Variants in MAD1L1 observed in about 807,000 individuals in gnomAD.
MAD1L1 encodes mitotic spindle assembly checkpoint protein MAD1.
Under a neutral mutation model 96.9 loss-of-function variants are expected in MAD1L1, and 95 were observed. That is an observed-to-expected ratio of 0.98 (90% CI 0.83 to 1.16). The LOEUF is 1.16. Ranked by LOEUF, MAD1L1 falls within the 50% of genes most tolerant of loss-of-function variation. MAD1L1 has a pLI of 0.00. For missense variants in MAD1L1, 1,007 were observed against 954.4 expected, an observed-to-expected ratio of 1.06 and a Z score of -0.73; for synonymous variants, 473 against 396.6, an observed-to-expected ratio of 1.19 and a Z score of -2.29.
chr7:2,221,470 C>T (rs1039033598), intron 5 of MAD1L1, among the ~76,000 whole-genome samples: 2 of 152,024 alleles, frequency 1.3e-5, no homozygotes, highest in Non-Finnish European at 2.9e-5. Context: ...TTCTGGACCC[C>T]TCCAGGACCC....
At chr7:2,071,302 C>T (rs1785114723) in intron 11 of MAD1L1, among the ~76,000 whole-genome samples, 1 of 152,198 alleles carries the variant, frequency 6.6e-6, no homozygotes, top group Non-Finnish European at 1.5e-5. Flanking sequence ...CGGTCCTGAC[C>T]CAGCCAAGCA....
intron 15 of MAD1L1, among the ~76,000 whole-genome samples, chr7:1,980,101 C>T (rs970306771): frequency 6.6e-6 from 1 of 152,228 alleles, no homozygotes; most frequent in Non-Finnish European, 1.5e-5. Flanking sequence ...GAGAAGGTCA[C>T]GGCCTGGAGA....
chr7:2,111,415 G>A (rs1787374228), intron 11 of MAD1L1, among the ~76,000 whole-genome samples: 1 of 152,250 alleles, frequency 6.6e-6, no homozygotes, highest in Non-Finnish European at 1.5e-5. Context: ...CAAGGAGCGT[G>A]CCTCGGAATG....
At chr7:2,035,295 C>A (rs1783415971) in intron 12 of MAD1L1, among the ~76,000 whole-genome samples, 1 of 147,722 alleles carries the variant, frequency 6.8e-6, no homozygotes, top group Admixed American at 6.7e-5. Context: ...GGGGTCCAGG[C>A]TCCCAGGCAT....
chr7:2,011,832 C>A (rs902490316), intron 13 of MAD1L1, among the ~76,000 whole-genome samples: 2 of 152,004 alleles, frequency 1.3e-5, no homozygotes, highest in Non-Finnish European at 2.9e-5. Flanking sequence ...CACAGACAGG[C>A]CAGTGCAGCG....
intron 10 of MAD1L1, among the ~76,000 whole-genome samples, chr7:2,202,718 G>A (rs540884269): frequency 3.3e-5 from 5 of 152,220 alleles, no homozygotes; most frequent in South Asian, 2.1e-4. Flanking sequence ...CCACCAGGGC[G>A]TCTGGTATTG....
intron 10 of MAD1L1, among the ~76,000 whole-genome samples, chr7:2,182,516 C>G (rs571897140): frequency 7.9e-5 from 12 of 152,286 alleles, no homozygotes; most frequent in African/African-American, 2.9e-4. Context: ...ATACAAATAT[C>G]TGTACTTGAA....
At chr7:2,220,681 C>G (rs1255948639) in intron 5 of MAD1L1, among the ~76,000 whole-genome samples, 1 of 152,212 alleles carries the variant, frequency 6.6e-6, no homozygotes, top group Non-Finnish European at 1.5e-5. Flanking sequence ...CCTGCTGAAG[C>G]CTATCACCGC....
At chr7:2,125,448 C>A (rs1455702265) in intron 11 of MAD1L1, among the ~76,000 whole-genome samples, 1 of 152,188 alleles carries the variant, frequency 6.6e-6, no homozygotes, top group Non-Finnish European at 1.5e-5. Context: ...GTCTCCGCAG[C>A]CTGGTGAGCG....
intron 13 of MAD1L1, among the ~76,000 whole-genome samples, chr7:2,004,779 G>T (rs2128493761): frequency 6.6e-6 from 1 of 152,328 alleles, no homozygotes; most frequent in Non-Finnish European, 1.5e-5. Flanking sequence ...TTCACAAGCG[G>T]CTCATCAGCC....
At chr7:2,210,335 C>T (rs1260262943) in intron 10 of MAD1L1, among the ~76,000 whole-genome samples, 1 of 152,174 alleles carries the variant, frequency 6.6e-6, no homozygotes, top group Non-Finnish European at 1.5e-5. Flanking sequence ...CCTCCCAAAC[C>T]ACTGGGACTA....
At chr7:1,879,849 G>C (rs1785586572) in intron 18 of MAD1L1, among the ~76,000 whole-genome samples, 1 of 152,140 alleles carries the variant, frequency 6.6e-6, no homozygotes, top group South Asian at 2.1e-4. Flanking sequence ...TCCTGCCTCA[G>C]ACTCCCCAGT....
At chr7:1,861,279 G>A (rs928528602) in intron 18 of MAD1L1, among the ~76,000 whole-genome samples, 1 of 152,152 alleles carries the variant, frequency 6.6e-6, no homozygotes, top group African/African-American at 2.4e-5. Flanking sequence ...CCCCCTCTAG[G>A]CAAGGGCCCT....
chr7:1,969,930 G>A (rs976441733), intron 15 of MAD1L1, among the ~76,000 whole-genome samples: 4 of 152,238 alleles, frequency 2.6e-5, no homozygotes, highest in African/African-American at 7.2e-5. Context: ...CTGTTTACCC[G>A]TCAGCGGAGT....
At chr7:2,201,482 C>A (rs181075525) in intron 10 of MAD1L1, among the ~76,000 whole-genome samples, 1 of 152,304 alleles carries the variant, frequency 6.6e-6, no homozygotes, top group African/African-American at 2.4e-5. Context: ...TAAAAACCAG[C>A]CCAGATACCA....
At chr7:1,888,900 G>A (rs949083415) in intron 18 of MAD1L1, among the ~76,000 whole-genome samples, 40 of 152,188 alleles carry the variant, frequency 2.6e-4, no homozygotes, top group African/African-American at 8.7e-4. Flanking sequence ...ACGAGAGGTC[G>A]ACCTGCTCCT....
At chr7:2,018,477 G>A (rs552775303) in intron 12 of MAD1L1, among the ~76,000 whole-genome samples, 108 of 152,310 alleles carry the variant, frequency 7.1e-4, no homozygotes, top group Middle Eastern at 3.4e-3. Flanking sequence ...TGGGGCAGGC[G>A]CGTCCCGCAC....
intron 11 of MAD1L1, among the ~76,000 whole-genome samples, chr7:2,128,485 AAGATGGCCGTTCAGG>A (rs1233400768): frequency 2.0e-5 from 3 of 152,168 alleles, no homozygotes; most frequent in Non-Finnish European, 4.4e-5. Context: ...CTGCTTCTGG[AAGATGGCCGTTCAGG>A]AGAGGCCAGG....
intron 18 of MAD1L1, among the ~76,000 whole-genome samples, chr7:1,863,253 G>C (rs367927290): frequency 6.6e-6 from 1 of 152,388 alleles, no homozygotes; most frequent in African/African-American, 2.4e-5. Context: ...TGCCGGGTGC[G>C]GCTCATCAGG....
Sources: allele counts gnomAD v4.1 joint callset (sites outside exome capture counted in the v4.1 genomes callset), GRCh38; gene constraint gnomAD v4.1.1; transcripts MANE v1.5; gene names NCBI Gene and HGNC (gene_info 2026-07-23, HGNC 2026-07-21).